The following ZNF556 variants were observed in gnomAD, a reference collection of about 807,000 sequenced individuals.
The protein encoded by ZNF556 is zinc finger protein 556.
Under a neutral mutation model 13.6 loss-of-function variants are expected in ZNF556, and 11 were observed. The observed-to-expected ratio is 0.81, with a 90% CI of 0.51 to 1.33. The LOEUF (loss-of-function observed/expected upper bound fraction) is 1.33. Ranked by LOEUF, ZNF556 falls within the 40% of genes most tolerant of loss-of-function variation. The pLI, the probability that ZNF556 is intolerant of heterozygous loss-of-function variation, is 0.00. For synonymous variants in ZNF556, 229 were observed against 207.8 expected, an observed-to-expected ratio of 1.10 and a Z score of -0.88; for missense variants, 633 against 566.2, an observed-to-expected ratio of 1.12 and a Z score of -1.20.
chr19:2,869,635 G>A (rs899542962), intron 1 of ZNF556, among the ~76,000 whole-genome samples: 1 of 152,072 alleles, frequency 6.6e-6, no homozygotes, highest in Non-Finnish European at 1.5e-5. Flanking sequence ...CAAAGTGCTG[G>A]GATTAACAGG....
intron 2 of ZNF556, chr19:2,875,087 G>C (rs1360294531): frequency 6.4e-6 from 1 of 156,606 alleles, no homozygotes; most frequent in Non-Finnish European, 1.4e-5. Context: ...GGTTTGGTTT[G>C]GTTTGCCACC....
In ZNF556 at chr19:2,877,830, A is replaced by G. The variant is rs184604557; in HGVS notation, c.872A>G (p.Gln291Arg). 1.9e-6 allele frequency: 3 copies of G among 1,614,234 alleles called. No homozygotes were observed. Among genetic ancestry groups the G allele is most frequent in the Middle Eastern group, 1.6e-4 (1 of 6,062 alleles). The change falls in exon 4 of 4, where the codon CAG becomes CGG. Residue 291 changes from glutamine (Q) to arginine (R), a missense_variant. Physicochemically the swap from Gln to Arg is conservative, Grantham distance 43. Transcript: ENST00000307635. ...HAGGRPYECK[Q>R]CGKAYCWATS... ...GGAGGGAGACCGTATGAGTGCAAGC[A>G]GTGTGGGAAAGCCTACTGCTGGGCA... is the stretch of plus-strand genomic sequence containing the variant.
In ZNF556 at chr19:2,881,142, A is replaced by C. The variant is rs1288301746; in HGVS notation, c.*2813A>C. 1 of 152,168 alleles carries C rather than the reference A, an allele frequency of 6.6e-6. No individual in the cohort carries two copies. The highest frequency in any genetic ancestry group is 2.4e-5 in the African/African-American group (1 of 41,456). The allele number at this position is 152,168 out of a possible 1,614,324, so 9.4% of individuals were successfully genotyped here. A position where few individuals can be genotyped will look rare whatever the true frequency, so the allele number is the denominator to read the frequency against. ...CGGCCTCCCAAAGTGCTGGGGTTACAGGCGTGAGCCACCGCGCCCAGCCTA... is the reference window on the plus strand; with the variant it reads ...CGGCCTCCCAAAGTGCTGGGGTTACCGGCGTGAGCCACCGCGCCCAGCCTA... On this transcript the variant is annotated 3_prime_UTR_variant, in exon 4 of 4. Coordinates refer to ENST00000307635, the MANE Select transcript of ZNF556 (RefSeq NM_024967.3).
intron 1 of ZNF556, among the ~76,000 whole-genome samples, chr19:2,871,829 C>A (rs1235355484): frequency 1.3e-5 from 2 of 152,126 alleles, no homozygotes; most frequent in South Asian, 2.1e-4. Context: ...GCCCCGAATG[C>A]CAGGCTGCAC....
intron 1 of ZNF556, among the ~76,000 whole-genome samples, chr19:2,867,928 G>A (rs929700471): frequency 6.6e-6 from 1 of 152,090 alleles, no homozygotes; most frequent in African/African-American, 2.4e-5. Context: ...CCCCTGCCTG[G>A]GCCTCTCTCC....
In ZNF556 at chr19:2,867,368, G is replaced by A; in HGVS notation, c.-54G>A. On this transcript the variant is annotated 5_prime_UTR_variant, in exon 1 of 4. Coordinates refer to ENST00000307635, the MANE Select transcript of ZNF556 (RefSeq NM_024967.3). ...ACAGGTGTCCCCGTCGTGCTCACCTGCACCGGCTGCGAGGAGCAGGGAGCT... is the reference window on the plus strand; with the variant it reads ...ACAGGTGTCCCCGTCGTGCTCACCTACACCGGCTGCGAGGAGCAGGGAGCT... 1 of 1,566,094 alleles carries A rather than the reference G, an allele frequency of 6.4e-7. No homozygotes were observed. Among genetic ancestry groups the A allele is most frequent in the East Asian group, 2.3e-5 (1 of 43,234 alleles).
chr19:2,876,707 G>C (rs767497280), intron 3 of ZNF556, among the ~76,000 whole-genome samples: 12 of 150,998 alleles, frequency 7.9e-5, no homozygotes, highest in Non-Finnish European at 1.8e-4. Flanking sequence ...GCAACAGAGT[G>C]AGACTCTATC....
rs981431093 is a variant in ZNF556, at chr19:2,867,339, G to C, written c.-83G>C. The C allele has an allele frequency of 6.5e-7, 1 of 1,543,898 alleles. No homozygotes were observed. Among genetic ancestry groups the C allele is most frequent in the South Asian group, 1.2e-5 (1 of 83,764 alleles). On this transcript the variant is annotated 5_prime_UTR_variant, in exon 1 of 4. Coordinates refer to ENST00000307635, the MANE Select transcript of ZNF556 (RefSeq NM_024967.3). ...AGAGCACACCCGGCCTGCCCTGAGT[G>C]ACCACAGGTGTCCCCGTCGTGCTCA...
chr19:2,871,334 G>T (rs1021324371), intron 1 of ZNF556, among the ~76,000 whole-genome samples: 1 of 152,182 alleles, frequency 6.6e-6, no homozygotes, highest in African/African-American at 2.4e-5. Context: ...TTACTTACAT[G>T]AAGAATCAAA....
At position 2,880,690 on chromosome 19, in the gene ZNF556, A is replaced by C. The variant is rs1418577955; in HGVS notation, c.*2361A>C. 1 of 129,840 alleles carries C rather than the reference A, an allele frequency of 7.7e-6. No individual in the cohort carries two copies. Among genetic ancestry groups the C allele is most frequent in the African/African-American group, 2.4e-5 (1 of 40,942 alleles). The allele number at this position is 129,840 out of a possible 1,614,324, so 8.0% of individuals were successfully genotyped here. ...AGGCTGAGGAAGGAGAATGGCTTGA[A>C]CCTGGGAGGCGGAGCTTGCCAAGAT... On this transcript the variant is annotated 3_prime_UTR_variant, in exon 4 of 4. Transcript: ENST00000307635.
intron 1 of ZNF556, 63 bp downstream of exon 1, chr19:2,867,487 C>T (rs1267270335): frequency 6.4e-7 from 1 of 1,562,436 alleles, no homozygotes. Flanking sequence ...TGGAAGCGGC[C>T]AGAACACGCT....
intron 1 of ZNF556, among the ~76,000 whole-genome samples, chr19:2,869,049 G>T (rs1176230354): frequency 6.6e-6 from 1 of 152,050 alleles, no homozygotes; most frequent in Non-Finnish European, 1.5e-5. Context: ...TCACTCATAG[G>T]GATATATTGT....
intron 1 of ZNF556, 42 bp downstream of exon 1, chr19:2,867,466 G>T: frequency 1.3e-6 from 2 of 1,573,398 alleles, no homozygotes; most frequent in East Asian, 2.3e-5. Context: ...GGAGCCCTGG[G>T]AGGGGAGGGT....
chr19:2,867,690 G>A (rs1459602640), intron 1 of ZNF556, among the ~76,000 whole-genome samples: 1 of 111,562 alleles, frequency 9.0e-6, no homozygotes, highest in Admixed American at 1.3e-4. Context: ...AAGTTAATTG[G>A]AAGAAAAACT....
At position 2,880,551 on chromosome 19, in the gene ZNF556, T is replaced by G. The variant is rs1404956841; in HGVS notation, c.*2222T>G. On this transcript the variant is annotated 3_prime_UTR_variant, in exon 4 of 4. Transcript: ENST00000307635. The stretch of plus-strand genomic sequence containing the variant: ...TGGGGAGGCCAAGGCGGGCAGATCA[T>G]GAGGTCAAGAGATCGAGACCATCCT... 1 of 152,156 alleles carries G rather than the reference T, an allele frequency of 6.6e-6. No individual in the cohort carries two copies. The highest frequency in any genetic ancestry group is 6.6e-5 in the Admixed American group (1 of 15,250). 9.4% of individuals were successfully genotyped at this position (152,156 alleles called of 1,614,324 possible). A position where few individuals can be genotyped will look rare whatever the true frequency, so the allele number is the denominator to read the frequency against.
Position 2,877,967 on chromosome 19 carries a change from CA to C in ZNF556, c.1010del (p.His337LeufsTer7). 6.2e-7 allele frequency: 1 copy of C among 1,614,106 alleles called. No homozygotes were observed. The highest frequency in any genetic ancestry group is 8.5e-7 in the Non-Finnish European group (1 of 1,180,020). On this transcript the variant is annotated frameshift_variant, in exon 4 of 4. Transcript: ENST00000307635. LOFTEE classifies it low-confidence loss of function (END_TRUNC). The part of the protein sequence containing the change: ...PSSLHKHART[H>X]AKKKPVSGGS... ...ATCCTTACACAAACACGCGAGAACG[CA>C]TGCTAAAAAGAAACCTGTGAGTGGG...
At position 2,867,344 on chromosome 19, in the gene ZNF556, C is replaced by T. The variant is rs560207410; in HGVS notation, c.-78C>T. ...ACACCCGGCCTGCCCTGAGTGACCACAGGTGTCCCCGTCGTGCTCACCTGC... is the reference window on the plus strand; with the variant it reads ...ACACCCGGCCTGCCCTGAGTGACCATAGGTGTCCCCGTCGTGCTCACCTGC... On this transcript the variant is annotated 5_prime_UTR_variant, in exon 1 of 4. Transcript: ENST00000307635. The T allele has an allele frequency of 1.3e-6, 2 of 1,551,018 alleles. No homozygotes were observed. Among genetic ancestry groups the T allele is most frequent in the East Asian group, 4.8e-5 (2 of 42,010 alleles).
rs111827534 is a variant in ZNF556 at position 2,877,285 on chromosome 19, G to A, written c.327G>A (p.Arg109=). The change falls in exon 4 of 4, where the codon AGG becomes AGA. Residue 109 remains arginine, a synonymous_variant. Transcript: ENST00000307635. ...TKERHLSRNP[R]VERPCKSSKG... ...TACCCATTTTTAGCAGAAATCCAAG[G>A]GTGGAGAGACCATGTAAAAGCAGTA... is the stretch of plus-strand genomic sequence containing the variant. 6,459 of 1,609,816 alleles carry A rather than the reference G, an allele frequency of 4.0e-3. 43 individuals carry two copies. Among genetic ancestry groups the A allele is most frequent in the South Asian group, 0.012 (1,126 of 90,666 alleles).
Position 2,873,589 on chromosome 19 carries a change from A to G in ZNF556, c.97A>G (p.Met33Val). ...TCAGAGAAAACTCTACAGAGATGTC[A>G]TGCTGGAGACCTTCAAGCACCTGGC... ...PAQRKLYRDV[M>V]LETFKHLASV... Residue 33 changes from methionine (M) to valine (V), a missense_variant, in exon 2 of 4, where the codon ATG becomes GTG. Met to Val is a conservative substitution (Grantham distance 21). Transcript: ENST00000307635. 6.2e-7 allele frequency: 1 copy of G among 1,614,110 alleles called. No individual in the cohort carries two copies. The highest frequency in any genetic ancestry group is 8.5e-7 in the Non-Finnish European group (1 of 1,179,970).
Sources: gnomAD v4.1 joint callset for allele counts (sites outside exome capture counted in the v4.1 genomes callset) on GRCh38, gnomAD v4.1.1 for gene constraint, MANE v1.5 for transcripts, NCBI Gene and HGNC (gene_info 2026-07-23, HGNC 2026-07-21) for gene names.